Variants in PIEZO2 observed in about 807,000 individuals in gnomAD.
The protein encoded by PIEZO2 is piezo type mechanosensitive ion channel component 2.
A neutral mutation model predicts 337.3 loss-of-function variants in PIEZO2; 172 were observed. That is an observed-to-expected ratio of 0.51 (90% CI 0.45 to 0.58). The LOEUF is 0.58. PIEZO2 is among the 20% of genes least tolerant of loss of function. The probability of loss-of-function intolerance (pLI) is 0.00; values close to 1 mark genes in which losing one functional copy is unlikely to be tolerated. For missense variants in PIEZO2, 3,028 were observed against 3,391.3 expected (o/e 0.89, Z 2.66); for synonymous variants, 1,251 against 1,228.5 (o/e 1.02, Z -0.38).
intron 8 of PIEZO2, among the ~76,000 whole-genome samples, chr18:10,806,883 C>T (rs1321612507): frequency 3.3e-5 from 5 of 152,180 alleles, no homozygotes; most frequent in African/African-American, 7.2e-5. Flanking sequence ...CTTCTCACTG[C>T]CTGCCATTCT....
At chr18:10,922,586 G>A (rs1200879211) in intron 3 of PIEZO2, among the ~76,000 whole-genome samples, 2 of 152,160 alleles carry the variant, frequency 1.3e-5, no homozygotes, top group East Asian at 1.9e-4. Context: ...AGAAGACCCT[G>A]AGCATGAGTA....
chr18:10,758,583 A>C (rs879521333), intron 26 of PIEZO2, among the ~76,000 whole-genome samples: 10 of 152,098 alleles, frequency 6.6e-5, no homozygotes, highest in South Asian at 4.1e-4. Flanking sequence ...GTAGCTGGGA[A>C]TACAAGTGCC....
chr18:11,091,961 C>T (rs1250977214), intron 1 of PIEZO2, among the ~76,000 whole-genome samples: 1 of 152,186 alleles, frequency 6.6e-6, no homozygotes, highest in Admixed American at 6.5e-5. Context: ...CCACACGAGT[C>T]AGTAAAAGGC....
intron 2 of PIEZO2, among the ~76,000 whole-genome samples, chr18:11,023,961 C>T (rs973659578): frequency 5.3e-5 from 8 of 152,174 alleles, no homozygotes; most frequent in Middle Eastern, 3.2e-3. Context: ...GCCGAGCCCA[C>T]GCCCACCCGT....
rs998748793 is a variant in PIEZO2 at position 10,787,596 on chromosome 18, T to C, written c.2170-412A>G. Among the ~76,000 whole-genome samples, 13 of 152,336 alleles carry C rather than the reference T, an allele frequency of 8.5e-5. No homozygotes were observed. In the South Asian group the frequency reaches 2.3e-3, roughly 27 times the overall value. ...CATTTTGAAATTGAAAGCAATATTG[T>C]ATGAATGAAAATGTGAACCAACCAC... On this transcript the variant is annotated intron_variant, in intron 15 of 55. Transcript: ENST00000674853.
chr18:11,012,585 T>A (rs536290046), intron 2 of PIEZO2, among the ~76,000 whole-genome samples: 1 of 152,252 alleles, frequency 6.6e-6, no homozygotes, highest in African/African-American at 2.4e-5. Context: ...CTGATTTCGA[T>A]TGATTTTTTT....
intron 8 of PIEZO2, among the ~76,000 whole-genome samples, chr18:10,805,900 G>A (rs2039987586): frequency 1.3e-5 from 2 of 152,212 alleles, no homozygotes; most frequent in African/African-American, 4.8e-5. Context: ...AGGGATGACC[G>A]GAGCCATGCG....
At chr18:11,103,249 A>C (rs960290600) in intron 1 of PIEZO2, among the ~76,000 whole-genome samples, 2 of 152,168 alleles carry the variant, frequency 1.3e-5, no homozygotes, top group African/African-American at 2.4e-5. Flanking sequence ...CAACTTATAC[A>C]ATAATTTTGA....
chr18:10,893,721 C>T (rs905943968), intron 4 of PIEZO2: 1 of 152,180 alleles, frequency 6.6e-6, no homozygotes, highest in Non-Finnish European at 1.5e-5. Flanking sequence ...AAGAAATCAT[C>T]ATTTATTATA....
rs906391385 is a variant in PIEZO2, at chr18:10,775,262, C to T, written c.2535-1224G>A. On this transcript the variant is annotated intron_variant, in intron 18 of 55. Transcript: ENST00000674853. The surrounding 1 kb of genome is among the most constrained non-coding windows in gnomAD (Gnocchi z 4.3). ...AAGTTAGCTACTCTTAAAATTGCAACCCATATCTTCTATACCAGTGCCACA... is the reference window on the plus strand; with the variant it reads ...AAGTTAGCTACTCTTAAAATTGCAATCCATATCTTCTATACCAGTGCCACA... Among the ~76,000 whole-genome samples the T allele has an allele frequency of 6.6e-6, 1 of 152,138 alleles. No homozygotes were observed. The highest frequency in any genetic ancestry group is 6.5e-5 in the Admixed American group (1 of 15,278).
At chr18:10,715,601 G>A (rs1355696312) in intron 38 of PIEZO2, 49 bp downstream of exon 38, 3 of 1,439,998 alleles carry the variant, frequency 2.1e-6, no homozygotes, top group Non-Finnish European at 1.8e-6. Context: ...GACTTTTAAT[G>A]TCTTCTTAAT....
At position 10,973,030 on chromosome 18, in the gene PIEZO2, C is replaced by T. The variant is rs375760879; in HGVS notation, c.286+6505G>A. On this transcript the variant is annotated intron_variant, in intron 3 of 55. Transcript: ENST00000674853. The surrounding 1 kb of genome is among the most constrained non-coding windows in gnomAD (Gnocchi z 4.9). ...ACGATATGCAACTAGCTCACAGTCA[C>T]CCAAGATCCTAAATTTTCTCATATA... is the stretch of plus-strand genomic sequence containing the variant. Among the ~76,000 whole-genome samples, 20 of 152,262 alleles carry T rather than the reference C, an allele frequency of 1.3e-4. No homozygotes were observed. Among genetic ancestry groups the T allele is most frequent in the African/African-American group, 4.8e-4 (20 of 41,546 alleles).
Position 10,726,818 on chromosome 18 carries a change from T to C in PIEZO2, c.5029+4589A>G. Reference sequence around the variant, plus strand: ...GACCACCTGCGGCCCCATGGGGTGCTGGATAATACCCGGATGCCCCACCTT... The same window carrying C: ...GACCACCTGCGGCCCCATGGGGTGCCGGATAATACCCGGATGCCCCACCTT... On this transcript the variant is annotated intron_variant, in intron 36 of 55. Transcript: ENST00000674853. This position sits in a 1 kb window ranked among gnomAD's most constrained non-coding sequence, Gnocchi z 5.9. The C allele has an allele frequency of 6.4e-7, 1 of 1,571,646 alleles. No individual in the cohort carries two copies. Among genetic ancestry groups the C allele is most frequent in the Admixed American group, 1.7e-5 (1 of 58,328 alleles).
rs2041387850 is a variant in PIEZO2, at chr18:10,847,050, A to G, written c.917+8303T>C. Among the ~76,000 whole-genome samples, 1 of 152,224 alleles carries G rather than the reference A, an allele frequency of 6.6e-6. No individual in the cohort carries two copies. Among genetic ancestry groups the G allele is most frequent in the South Asian group, 2.1e-4 (1 of 4,830 alleles). ...TTTATAAATAAGGAAACAGAGGTAC[A>G]GAGAGTTTTAGTAAAGTTCTGCTAG... is the stretch of plus-strand genomic sequence containing the variant. On this transcript the variant is annotated intron_variant, in intron 7 of 55. Coordinates refer to ENST00000674853, the MANE Select transcript of PIEZO2 (RefSeq NM_001378183.1). This position sits in a 1 kb window ranked among gnomAD's most constrained non-coding sequence, Gnocchi z 5.7.
chr18:10,759,141 A>C lies in PIEZO2; in HGVS notation c.3757+341T>G, dbSNP rs573977217. Among the ~76,000 whole-genome samples the C allele has an allele frequency of 6.6e-6, 1 of 151,840 alleles. No homozygotes were observed. The highest frequency in any genetic ancestry group is 2.4e-5 in the African/African-American group (1 of 41,382). On this transcript the variant is annotated intron_variant, in intron 26 of 55. Coordinates refer to ENST00000674853, the MANE Select transcript of PIEZO2 (RefSeq NM_001378183.1). The surrounding 1 kb of genome is among the most constrained non-coding windows in gnomAD (Gnocchi z 5.5). ...TTATCTGCACTGGGAGCCAGAAACC[A>C]CCAAGTCAGAAAACACAAAAGCCTT...
intron 2 of PIEZO2, among the ~76,000 whole-genome samples, chr18:11,022,210 A>G (rs927877721): frequency 6.6e-6 from 1 of 152,192 alleles, no homozygotes; most frequent in Non-Finnish European, 1.5e-5. Flanking sequence ...GCAGTGTCAC[A>G]GCCCCCCTAA....
intron 5 of PIEZO2, among the ~76,000 whole-genome samples, chr18:10,860,216 A>C (rs1008025122): frequency 1.5e-4 from 23 of 152,162 alleles, no homozygotes; most frequent in African/African-American, 5.3e-4. Context: ...AAACGTCAGT[A>C]GCCTGTTGAG....
rs548389257 is a variant in PIEZO2, at chr18:11,080,253, G to A, written c.65-14031C>T. On this transcript the variant is annotated intron_variant, in intron 1 of 55. Transcript: ENST00000674853. This position sits in a 1 kb window ranked among gnomAD's most constrained non-coding sequence, Gnocchi z 5.4. ...TGTTAAAGTTTTTCACGATGTCTAT[G>A]TGTATATTTTGTATTTACAAAATAA... is the stretch of plus-strand genomic sequence containing the variant. Among the ~76,000 whole-genome samples the A allele has an allele frequency of 6.6e-6, 1 of 152,334 alleles. No individual in the cohort carries two copies. The highest frequency in any genetic ancestry group is 2.1e-4 in the South Asian group (1 of 4,830).
rs1162600188 is a variant in PIEZO2, at chr18:10,888,151, T to G, written c.330-16736A>C. On this transcript the variant is annotated intron_variant, in intron 4 of 55. Coordinates refer to ENST00000674853, the MANE Select transcript of PIEZO2 (RefSeq NM_001378183.1). This position sits in a 1 kb window ranked among gnomAD's most constrained non-coding sequence, Gnocchi z 4.1. ...ATATGAATTGGTATTTGGCTGCAAG[T>G]AAGCACTTGCAAGTAAGCACTTCCT... Among the ~76,000 whole-genome samples the G allele has an allele frequency of 6.6e-6, 1 of 152,140 alleles. No individual in the cohort carries two copies. Among genetic ancestry groups the G allele is most frequent in the Non-Finnish European group, 1.5e-5 (1 of 68,028 alleles).
Sources: gnomAD v4.1 joint callset for allele counts (sites outside exome capture counted in the v4.1 genomes callset) on GRCh38, gnomAD v4.1.1 for gene constraint, Gnocchi (gnomAD v3.1) non-coding constraint, MANE v1.5 for transcripts, NCBI Gene and HGNC (gene_info 2026-07-23, HGNC 2026-07-21) for gene names.